Variants in ZNF766 observed in about 807,000 individuals in gnomAD.
ZNF766 encodes zinc finger protein 766.
A neutral mutation model predicts 13.2 loss-of-function variants in ZNF766; 13 were observed. The ratio of observed to expected loss-of-function variants is 0.98; its 90% CI spans 0.64 to 1.56. The LOEUF is 1.56. Ranked by LOEUF, ZNF766 falls within the 40% of genes most tolerant of loss-of-function variation. The pLI, the probability that ZNF766 is intolerant of heterozygous loss-of-function variation, is 0.00. For missense variants in ZNF766, 521 were observed against 552.2 expected, an observed-to-expected ratio of 0.94 and a Z score of 0.57; for synonymous variants, 178 against 187.6, an observed-to-expected ratio of 0.95 and a Z score of 0.42.
At chr19:52,287,387 C>A (rs529909360) in intron 3 of ZNF766, among the ~76,000 whole-genome samples, 2 of 149,206 alleles carry the variant, frequency 1.3e-5, no homozygotes, top group Non-Finnish European at 3.0e-5. Flanking sequence ...GTGATCTGCC[C>A]GCCTTGGCCT....
intron 1 of ZNF766, among the ~76,000 whole-genome samples, chr19:52,280,669 G>A (rs1489949768): frequency 6.6e-6 from 1 of 151,806 alleles, no homozygotes; most frequent in Non-Finnish European, 1.5e-5. Context: ...TGCAGCCTCC[G>A]CCTCCTGGGT....
At chr19:52,277,636 C>G in intron 1 of ZNF766, 2 of 1,357,368 alleles carry the variant, frequency 1.5e-6, no homozygotes, top group Non-Finnish European at 2.0e-6. Context: ...CTGAAGCATC[C>G]TGCCTGACAG....
At position 52,291,777 on chromosome 19, in the gene ZNF766, T is replaced by A. The variant is rs1982160016; in HGVS notation, c.*579T>A. 1.9e-5 allele frequency: 3 copies of A among 160,578 alleles called. No homozygotes were observed. The highest frequency in any genetic ancestry group is 2.1e-4 in the South Asian group (1 of 4,832). 9.9% of individuals were successfully genotyped at this position (160,578 alleles called of 1,614,324 possible). ...ACTCCGTCTCAAAAAAAAAAAAAAA[T>A]TATTTGGGTTTGAAAGGCCAGGGGC... On this transcript the variant is annotated 3_prime_UTR_variant, in exon 4 of 4. Coordinates refer to ENST00000439461, the MANE Select transcript of ZNF766 (RefSeq NM_001010851.3).
At position 52,291,925 on chromosome 19, in the gene ZNF766, A is replaced by G; in HGVS notation, c.*727A>G. 1 of 513,086 alleles carries G rather than the reference A, an allele frequency of 1.9e-6. No individual in the cohort carries two copies. The highest frequency in any genetic ancestry group is 3.5e-5 in the Admixed American group (1 of 28,816). The allele number at this position is 513,086 out of a possible 1,614,324, so 31.8% of individuals were successfully genotyped here. A position where few individuals can be genotyped will look rare whatever the true frequency, so the allele number is the denominator to read the frequency against. ...CCCATCCCTACAAAATAAAAAAAAT[A>G]AGCCAGGCCCTTGGCATGTGTCTGT... On this transcript the variant is annotated 3_prime_UTR_variant, in exon 4 of 4. Coordinates refer to ENST00000439461, the MANE Select transcript of ZNF766 (RefSeq NM_001010851.3).
chr19:52,280,732 A>G (rs1176275156), intron 1 of ZNF766, among the ~76,000 whole-genome samples: 1 of 151,760 alleles, frequency 6.6e-6, no homozygotes, highest in African/African-American at 2.4e-5. Flanking sequence ...ACAGGCATGC[A>G]CCGCCACACC....
intron 1 of ZNF766, among the ~76,000 whole-genome samples, chr19:52,276,769 C>T (rs966817444): frequency 6.6e-6 from 1 of 152,158 alleles, no homozygotes; most frequent in African/African-American, 2.4e-5. Flanking sequence ...TATTCTGTAT[C>T]CAGCATTGAG....
rs182322111 is a variant in ZNF766 at position 52,292,020 on chromosome 19, G to A, written c.*822G>A. 3,091 of 615,500 alleles carry A rather than the reference G, an allele frequency of 5.0e-3. 15 individuals carry two copies. The highest frequency in any genetic ancestry group is 6.0e-3 in the Non-Finnish European group (2,067 of 345,728). The allele number at this position is 615,500 out of a possible 1,614,324, so 38.1% of individuals were successfully genotyped here. ...CCAGGAGTTTGAGAGTTTGAGCAGT[G>A]AGCTCTGATCTTGCCATTTGTACTC... On this transcript the variant is annotated 3_prime_UTR_variant, in exon 4 of 4. Transcript: ENST00000439461.
intron 1 of ZNF766, among the ~76,000 whole-genome samples, chr19:52,276,056 C>G (rs1049857557): frequency 6.6e-6 from 1 of 152,172 alleles, no homozygotes; most frequent in African/African-American, 2.4e-5. Context: ...CTATAGTATT[C>G]AGGACATAGC....
In ZNF766 at chr19:52,292,296, C is replaced by G. The variant is rs1377968715; in HGVS notation, c.*1098C>G. On this transcript the variant is annotated 3_prime_UTR_variant, in exon 4 of 4. Coordinates refer to ENST00000439461, the MANE Select transcript of ZNF766 (RefSeq NM_001010851.3). ...CTGATTTAGAGACCATGGAGGTGGACAGAGAATAACAAAACCGTGATGGCA... is the reference window on the plus strand; with the variant it reads ...CTGATTTAGAGACCATGGAGGTGGAGAGAGAATAACAAAACCGTGATGGCA... 2 of 650,696 alleles carry G rather than the reference C, an allele frequency of 3.1e-6. No individual in the cohort carries two copies. Among genetic ancestry groups the G allele is most frequent in the African/African-American group, 3.7e-5 (2 of 54,776 alleles). The allele number at this position is 650,696 out of a possible 1,614,324, so 40.3% of individuals were successfully genotyped here.
intron 1 of ZNF766, among the ~76,000 whole-genome samples, chr19:52,276,268 A>G (rs1336365043): frequency 6.6e-6 from 1 of 152,226 alleles, no homozygotes; most frequent in Non-Finnish European, 1.5e-5. Flanking sequence ...CATATACTGT[A>G]AACATCTGAT....
intron 1 of ZNF766, chr19:52,277,572 TTTC>T: frequency 6.5e-7 from 1 of 1,545,594 alleles, no homozygotes; most frequent in Non-Finnish European, 8.7e-7. Flanking sequence ...GATTGTTCTG[TTTC>T]TTATTTCTTC....
Position 52,290,404 on chromosome 19 carries a change from C to T in ZNF766, c.613C>T (p.His205Tyr). Residue 205 changes from histidine to tyrosine, a missense_variant, in exon 4 of 4, where the codon CAT becomes TAT. Coordinates refer to ENST00000439461, the MANE Select transcript of ZNF766 (RefSeq NM_001010851.3). Reference sequence around the variant, plus strand: ...CAGAGTGTCTTCAAGCCTTCCTAATCATCAAGTAATCCACACTGCAGATAA... The same window carrying T: ...CAGAGTGTCTTCAAGCCTTCCTAATTATCAAGTAATCCACACTGCAGATAA... Reference protein sequence around the residue: ...VFRVSSSLPNHQVIHTADKPN... With the variant: ...VFRVSSSLPNYQVIHTADKPN... The T allele has an allele frequency of 1.2e-6, 2 of 1,613,902 alleles. No individual in the cohort carries two copies. Among genetic ancestry groups the T allele is most frequent in the South Asian group, 1.1e-5 (1 of 91,078 alleles).
At chr19:52,289,736 C>G (rs1445171803) in intron 3 of ZNF766, among the ~76,000 whole-genome samples, 2 of 152,108 alleles carry the variant, frequency 1.3e-5, no homozygotes, top group East Asian at 1.9e-4. Flanking sequence ...CGCGGTGGCT[C>G]ACACCTATAA....
chr19:52,283,410 A>C lies in ZNF766; in HGVS notation c.271A>C (p.Thr91Pro), dbSNP rs1397701798. The part of the protein sequence containing the change: ...DRWEGIKDIN[T>P]GRSCAVRSKA... ...GTGGGAAGGTATCAAAGATATCAAC[A>C]CAGGTAAGAGCTCAGATGGACAGAG... The change falls in exon 3 of 4, where the codon ACA (threonine) becomes CCA (proline). Residue 91 changes from threonine (T) to proline (P), a missense_variant. Thr to Pro is a conservative substitution (Grantham distance 38, BLOSUM62 -1). Transcript: ENST00000439461. 1 of 1,590,888 alleles carries C rather than the reference A, an allele frequency of 6.3e-7. No individual in the cohort carries two copies. Among genetic ancestry groups the C allele is most frequent in the Non-Finnish European group, 8.6e-7 (1 of 1,167,530 alleles).
intron 3 of ZNF766, among the ~76,000 whole-genome samples, chr19:52,289,784 A>G (rs1600204424): frequency 6.6e-6 from 1 of 152,158 alleles, no homozygotes; most frequent in Admixed American, 6.5e-5. Context: ...GCGGATCACG[A>G]GGTCAGGAGA....
At position 52,294,959 on chromosome 19, in the gene ZNF766, A is replaced by G. The variant is rs945347636; in HGVS notation, c.*3761A>G. 6.6e-6 allele frequency: 1 copy of G among 150,940 alleles called. No individual in the cohort carries two copies. The highest frequency in any genetic ancestry group is 2.1e-4 in the South Asian group (1 of 4,826). 9.4% of individuals were successfully genotyped at this position (150,940 alleles called of 1,614,324 possible). On this transcript the variant is annotated 3_prime_UTR_variant, in exon 4 of 4. Transcript: ENST00000439461. Reference sequence around the variant, plus strand: ...TAAATATAATGTATTATATAATATGATTAAAATATATTTGTTATAAATATG... The same window carrying G: ...TAAATATAATGTATTATATAATATGGTTAAAATATATTTGTTATAAATATG...
chr19:52,271,976 G>C (rs528129276), intron 1 of ZNF766, among the ~76,000 whole-genome samples: 7 of 48,596 alleles, frequency 1.4e-4, no homozygotes, highest in African/African-American at 2.9e-4. Context: ...GAGTGAGACT[G>C]TCTCAAAAAA....
At chr19:52,279,267 G>C (rs1009438026) in intron 1 of ZNF766, among the ~76,000 whole-genome samples, 1 of 152,108 alleles carries the variant, frequency 6.6e-6, no homozygotes, top group Non-Finnish European at 1.5e-5. Flanking sequence ...TGTTGTTTTG[G>C]TTACTGTAGC....
intron 1 of ZNF766, chr19:52,281,881 A>G: frequency 1.8e-6 from 1 of 549,894 alleles, no homozygotes; most frequent in South Asian, 1.5e-5. Flanking sequence ...TCAGGTAGAT[A>G]TTGAATGAAA....
Sources: allele counts gnomAD v4.1 joint callset (sites outside exome capture counted in the v4.1 genomes callset), GRCh38; gene constraint gnomAD v4.1.1; transcripts MANE v1.5; gene names NCBI Gene and HGNC (gene_info 2026-07-23, HGNC 2026-07-21).